SCML4: variants seen among roughly 807,000 people sequenced by gnomAD.
SCML4 encodes Scm polycomb group protein like 4, also known as sex comb on midleg-like protein 4.
A neutral mutation model predicts 41.1 loss-of-function variants in SCML4; 34 were observed. That is an observed-to-expected ratio of 0.83 (90% CI 0.63 to 1.10). SCML4 has a LOEUF of 1.10. Ranked by LOEUF, SCML4 falls within the 50% of genes least tolerant of loss-of-function variation. The pLI, the probability that SCML4 is intolerant of heterozygous loss-of-function variation, is 0.00. For synonymous variants in SCML4, 214 were observed against 220.9 expected (o/e 0.97, Z 0.28); for missense variants, 522 against 534.1 (o/e 0.98, Z 0.22).
At position 107,737,526 on chromosome 6, in the gene SCML4, T is replaced by C. The variant is rs953623264; in HGVS notation, c.682+7423A>G. ...GGATCATCTTCAGGGGCCACACTTA[T>C]AGCAGAGAAGAACCATCTTAGCACA... is the stretch of plus-strand genomic sequence containing the variant. On this transcript the variant is annotated intron_variant, in intron 5 of 7. Transcript: ENST00000369020. Among the ~76,000 whole-genome samples, 6 of 152,168 alleles carry C rather than the reference T, an allele frequency of 3.9e-5. No homozygotes were observed. The South Asian group carries it at 1.0e-3, about 26-fold the overall frequency.
chr6:107,742,048 A>C lies in SCML4; in HGVS notation c.682+2901T>G, dbSNP rs79278212. ...GATTTCCAAGATAACACAGAAAAGC[A>C]ATTCAGAAATATATCAGAGAAATTT... is the stretch of plus-strand genomic sequence containing the variant. On this transcript the variant is annotated intron_variant, in intron 5 of 7. Transcript: ENST00000369020. Among the ~76,000 whole-genome samples, 77 of 152,308 alleles carry C rather than the reference A, an allele frequency of 5.1e-4. 1 individual carries two copies. In the East Asian group the frequency reaches 0.013, roughly 26 times the overall value.
At chr6:107,763,383 T>G (rs974149445) in intron 2 of SCML4, among the ~76,000 whole-genome samples, 9 of 151,334 alleles carry the variant, frequency 5.9e-5, no homozygotes, top group Non-Finnish European at 1.2e-4. Context: ...TGTTCTTGTT[T>G]TTTTTTTTTT....
chr6:107,741,821 A>T (rs1299176937), intron 5 of SCML4, among the ~76,000 whole-genome samples: 1 of 152,234 alleles, frequency 6.6e-6, no homozygotes, highest in African/African-American at 2.4e-5. Context: ...TATCCAATAA[A>T]AGCCAAACAA....
chr6:107,784,236 G>T (rs1025628293), intron 1 of SCML4, among the ~76,000 whole-genome samples: 8 of 152,200 alleles, frequency 5.3e-5, no homozygotes, highest in Non-Finnish European at 1.2e-4. Flanking sequence ...TTTAAAGCAT[G>T]GAGTCTGTCT....
At chr6:107,735,083 C>T (rs1168369431) in intron 5 of SCML4, among the ~76,000 whole-genome samples, 3 of 152,170 alleles carry the variant, frequency 2.0e-5, no homozygotes, top group Non-Finnish European at 4.4e-5. Context: ...ACCATGTTGG[C>T]CAGGCTGGTT....
intron 2 of SCML4, among the ~76,000 whole-genome samples, chr6:107,765,521 TA>T (rs1234438648): frequency 1.3e-5 from 2 of 152,172 alleles, no homozygotes; most frequent in Non-Finnish European, 2.9e-5. Flanking sequence ...ATTTTAAAAA[TA>T]AAAATTACAG....
the SCML4 span, among the ~76,000 whole-genome samples, chr6:107,845,381 G>T: frequency 1.3e-5 from 2 of 152,246 alleles, no homozygotes; most frequent in African/African-American, 4.8e-5. Flanking sequence ...CTGGAGCCTA[G>T]AGACGCTCCG....
At chr6:107,716,861 C>T (rs1318232208) in intron 6 of SCML4, among the ~76,000 whole-genome samples, 1 of 152,156 alleles carries the variant, frequency 6.6e-6, no homozygotes. Context: ...GAAACGGAAA[C>T]CTCTTTCAGA....
chr6:107,726,532 CAAAAAA>C (rs59013088), intron 5 of SCML4, among the ~76,000 whole-genome samples: 1 of 72,394 alleles, frequency 1.4e-5, no homozygotes. Flanking sequence ...GACTCCATCT[CAAAAAA>C]AAAAAAAAAA....
At chr6:107,804,925 G>C (rs1040075866) in intron 1 of SCML4, among the ~76,000 whole-genome samples, 4 of 152,130 alleles carry the variant, frequency 2.6e-5, no homozygotes, top group African/African-American at 7.2e-5. Context: ...AGCTGTGTTC[G>C]CACCACTGTA....
At chr6:107,736,780 G>A (rs112408843) in intron 5 of SCML4, among the ~76,000 whole-genome samples, 79 of 152,298 alleles carry the variant, frequency 5.2e-4, no homozygotes, top group African/African-American at 1.9e-3. Context: ...AGGTTCAACC[G>A]TAATGGAACA....
At position 107,721,048 on chromosome 6, in the gene SCML4, A is replaced by G. The variant is rs1401488487; in HGVS notation, c.683-55T>C. On this transcript the variant is annotated intron_variant, in intron 5 of 7. Coordinates refer to ENST00000369020, the MANE Select transcript of SCML4 (RefSeq NM_198081.5). ...ATATCAGAGAGCAGTTCAGGAAGCTATCAGACCCTCCGTCTTGGCAAACCC... is the reference window on the plus strand; with the variant it reads ...ATATCAGAGAGCAGTTCAGGAAGCTGTCAGACCCTCCGTCTTGGCAAACCC... The G allele has an allele frequency of 3.9e-6, 6 of 1,526,336 alleles. No homozygotes were observed. In the East Asian group the frequency reaches 1.1e-4, roughly 29 times the overall value. The allele number at this position is 1,526,336 out of a possible 1,614,324, so 94.5% of individuals were successfully genotyped here.
intron 1 of SCML4, among the ~76,000 whole-genome samples, chr6:107,823,158 C>CT (rs1263430492): frequency 1.3e-5 from 2 of 152,170 alleles, no homozygotes; most frequent in African/African-American, 4.8e-5. Flanking sequence ...ACTGTAGTGT[C>CT]TGAGATCAGT....
chr6:107,813,551 TTC>T (rs1392183889), intron 1 of SCML4, among the ~76,000 whole-genome samples: 1 of 151,378 alleles, frequency 6.6e-6, no homozygotes, highest in African/African-American at 2.4e-5. Flanking sequence ...GGAACAAAAC[TTC>T]TCTCTCTCAT....
At chr6:107,839,726 G>A in the SCML4 span, among the ~76,000 whole-genome samples, 2 of 152,046 alleles carry the variant, frequency 1.3e-5, no homozygotes, top group African/African-American at 4.8e-5. Flanking sequence ...CTGAGAATGA[G>A]AGAGCTCACA....
rs1230015779 is a variant in SCML4 at position 107,772,207 on chromosome 6, T to A, written c.121A>T (p.Ile41Phe). Residue 41 changes from isoleucine (I) to phenylalanine (F), a missense_variant, in exon 2 of 8, where the codon ATC becomes TTC. Physicochemically the swap from Ile to Phe is conservative, Grantham distance 21. Coordinates refer to ENST00000369020, the MANE Select transcript of SCML4 (RefSeq NM_198081.5). ...ASAGSLPAVK[I>F]PKKRGRKPGY... ...GGTTTCCGCCCTCTTTTCTTTGGGATCTTCACTGCTGGTAAAGAGCCAGCT... is the reference window on the plus strand; with the variant it reads ...GGTTTCCGCCCTCTTTTCTTTGGGAACTTCACTGCTGGTAAAGAGCCAGCT... 9 of 1,551,444 alleles carry A rather than the reference T, an allele frequency of 5.8e-6. No individual in the cohort carries two copies. The highest frequency in any genetic ancestry group is 7.8e-6 in the Non-Finnish European group (9 of 1,146,914).
intron 5 of SCML4, among the ~76,000 whole-genome samples, chr6:107,742,508 C>CA (rs1048739365): frequency 8.5e-5 from 13 of 152,258 alleles, no homozygotes; most frequent in Non-Finnish European, 1.8e-4. Context: ...ATCAAACTCT[C>CA]AAAGTCCAAG....
intron 1 of SCML4, among the ~76,000 whole-genome samples, chr6:107,811,588 T>C (rs1784162063): frequency 6.6e-6 from 1 of 152,196 alleles, no homozygotes; most frequent in Non-Finnish European, 1.5e-5. Context: ...TCAAAAGGCA[T>C]CAGCCTAAAT....
At position 107,720,856 on chromosome 6, in the gene SCML4, A is replaced by T; in HGVS notation, c.820T>A (p.Ser274Thr). 1.2e-6 allele frequency: 2 copies of T among 1,614,170 alleles called. No individual in the cohort carries two copies. Among genetic ancestry groups the T allele is most frequent in the Non-Finnish European group, 1.7e-6 (2 of 1,180,004 alleles). ...SSSLYCKRQN[S>T]GDSHLGGGPA... Reference sequence around the variant, plus strand: ...CCACCCCCAAGGTGGCTGTCTCCAGAGTTCTGCCTCTTGCAGTACAGCGAG... The same window carrying T: ...CCACCCCCAAGGTGGCTGTCTCCAGTGTTCTGCCTCTTGCAGTACAGCGAG... The change falls in exon 6 of 8, where the codon TCT (serine) becomes ACT (threonine). Residue 274 changes from serine to threonine, a missense_variant. Coordinates refer to ENST00000369020, the MANE Select transcript of SCML4 (RefSeq NM_198081.5).
Sources: allele counts gnomAD v4.1 joint callset (sites outside exome capture counted in the v4.1 genomes callset), GRCh38; gene constraint gnomAD v4.1.1; transcripts MANE v1.5; gene names NCBI Gene and HGNC (gene_info 2026-07-23, HGNC 2026-07-21).